Variants in HACD2 observed in about 807,000 individuals in gnomAD.
HACD2 encodes 3-hydroxyacyl-CoA dehydratase 2.
HACD2 carries 15 observed loss-of-function variants against 31.0 expected under a neutral mutation model. The observed-to-expected ratio is 0.48, with a 90% confidence interval of 0.32 to 0.75. The LOEUF is 0.75. HACD2 is among the 30% of genes least tolerant of loss of function. The pLI is 0.03. For synonymous variants in HACD2, 115 were observed against 122.2 expected (o/e 0.94, Z 0.39); for missense variants, 283 against 313.0 (o/e 0.90, Z 0.72).
intron 6 of HACD2, among the ~76,000 whole-genome samples, chr3:123,499,886 T>C (rs2055881786): frequency 1.3e-5 from 2 of 152,204 alleles, no homozygotes; most frequent in Admixed American, 1.3e-4. Context: ...ACATGTCTTT[T>C]TCTCTGTCAC....
At chr3:123,518,554 A>C (rs975932812) in intron 4 of HACD2, among the ~76,000 whole-genome samples, 1 of 152,234 alleles carries the variant, frequency 6.6e-6, no homozygotes, top group Non-Finnish European at 1.5e-5. Flanking sequence ...AAGTCTGATT[A>C]GTTTTTACAC....
chr3:123,506,082 T>C (rs1474126255), intron 4 of HACD2, among the ~76,000 whole-genome samples: 2 of 152,258 alleles, frequency 1.3e-5, no homozygotes, highest in Admixed American at 6.5e-5. Flanking sequence ...AAACGCTGGC[T>C]AATACTGACT....
At chr3:123,522,483 A>T (rs1293297476) in intron 4 of HACD2, among the ~76,000 whole-genome samples, 1 of 152,190 alleles carries the variant, frequency 6.6e-6, no homozygotes, top group African/African-American at 2.4e-5. Context: ...CTGAGAGAAA[A>T]ATAGACATTC....
chr3:123,540,334 G>C (rs2056474641), intron 3 of HACD2, among the ~76,000 whole-genome samples: 1 of 152,148 alleles, frequency 6.6e-6, no homozygotes. Context: ...AGAGGGCCCA[G>C]AGACCTCTTA....
At chr3:123,544,753 C>T (rs1037793606) in intron 3 of HACD2, among the ~76,000 whole-genome samples, 1 of 151,964 alleles carries the variant, frequency 6.6e-6, no homozygotes, top group Non-Finnish European at 1.5e-5. Flanking sequence ...TCATACTGAA[C>T]TATGTTCACA....
At chr3:123,535,419 A>C (rs1280517294) in intron 3 of HACD2, among the ~76,000 whole-genome samples, 1 of 152,220 alleles carries the variant, frequency 6.6e-6, no homozygotes, top group Non-Finnish European at 1.5e-5. Context: ...TAAAGTAATA[A>C]CATTAAATCA....
chr3:123,516,721 T>A (rs1463704378), intron 4 of HACD2, among the ~76,000 whole-genome samples: 3 of 152,220 alleles, frequency 2.0e-5, no homozygotes, highest in Admixed American at 1.3e-4. Context: ...TATATAAGCA[T>A]GCAATCAACA....
At chr3:123,563,680 C>G (rs1237603105) in intron 3 of HACD2, among the ~76,000 whole-genome samples, 1 of 149,912 alleles carries the variant, frequency 6.7e-6, no homozygotes, top group African/African-American at 2.5e-5. Flanking sequence ...CACACACACA[C>G]TTATGGTGTA....
At chr3:123,508,906 AC>A (rs2056013520) in intron 4 of HACD2, among the ~76,000 whole-genome samples, 1 of 152,116 alleles carries the variant, frequency 6.6e-6, no homozygotes, top group Non-Finnish European at 1.5e-5. Flanking sequence ...GCAGATGGCC[AC>A]CTTCTAGATG....
chr3:123,537,846 CT>C (rs2056444916), intron 3 of HACD2, among the ~76,000 whole-genome samples: 1 of 151,814 alleles, frequency 6.6e-6, no homozygotes, highest in Non-Finnish European at 1.5e-5. Flanking sequence ...ACACTGCCTA[CT>C]TTTAAAGAAC....
At chr3:123,517,309 A>G (rs1468397143) in intron 4 of HACD2, among the ~76,000 whole-genome samples, 1 of 152,232 alleles carries the variant, frequency 6.6e-6, no homozygotes, top group Admixed American at 6.5e-5. Context: ...GGATCTCACC[A>G]GCTGCTAGTC....
intron 2 of HACD2, among the ~76,000 whole-genome samples, chr3:123,572,901 GA>G (rs1018091751): frequency 1.1e-4 from 16 of 148,602 alleles, no homozygotes; most frequent in Admixed American, 2.7e-4. Context: ...TTCTTGGGAG[GA>G]AAAAAAAAAC....
chr3:123,516,303 C>T (rs1156986268), intron 4 of HACD2, among the ~76,000 whole-genome samples: 1 of 147,468 alleles, frequency 6.8e-6, no homozygotes. Flanking sequence ...GCATGATCTT[C>T]TGCTCACTGC....
chr3:123,559,763 A>G (rs2056708453), intron 3 of HACD2, among the ~76,000 whole-genome samples: 1 of 152,238 alleles, frequency 6.6e-6, no homozygotes. Context: ...CAGGGACAGC[A>G]GAGGATAAAA....
chr3:123,580,853 ATT>A (rs60669874), intron 2 of HACD2, among the ~76,000 whole-genome samples: 5,243 of 105,374 alleles, frequency 0.05, 107 homozygotes, highest in Middle Eastern at 0.11. Context: ...GAGATAAAGA[ATT>A]TTTTTTTTTT....
At chr3:123,551,950 CAATT>C (rs2056624713) in intron 3 of HACD2, among the ~76,000 whole-genome samples, 4 of 152,120 alleles carry the variant, frequency 2.6e-5, no homozygotes, top group Admixed American at 2.0e-4. Flanking sequence ...ATCTTCAGCA[CAATT>C]AATTGACACA....
At chr3:123,525,874 T>C (rs773522466) in intron 4 of HACD2, among the ~76,000 whole-genome samples, 1 of 152,152 alleles carries the variant, frequency 6.6e-6, no homozygotes, top group Non-Finnish European at 1.5e-5. Flanking sequence ...GTAAGCAGAG[T>C]TGAATATTAA....
At chr3:123,527,365 T>C (rs1017913284) in intron 4 of HACD2, among the ~76,000 whole-genome samples, 1 of 152,188 alleles carries the variant, frequency 6.6e-6, no homozygotes, top group Non-Finnish European at 1.5e-5. Context: ...TCTTAAGTTG[T>C]ACACTGTTCT....
chr3:123,575,583 A>T (rs1424821877), intron 2 of HACD2, among the ~76,000 whole-genome samples: 2 of 152,112 alleles, frequency 1.3e-5, no homozygotes, highest in Non-Finnish European at 2.9e-5. Flanking sequence ...TATAACAGTT[A>T]CTCTTTGATA....
Sources: gnomAD v4.1 joint callset for allele counts (sites outside exome capture counted in the v4.1 genomes callset) on GRCh38, gnomAD v4.1.1 for gene constraint, MANE v1.5 for transcripts, NCBI Gene and HGNC (gene_info 2026-07-23, HGNC 2026-07-21) for gene names.